DPYD: variants seen among roughly 807,000 people sequenced by gnomAD.
DPYD encodes dihydropyrimidine dehydrogenase [NADP(+)].
Under a neutral mutation model 116.2 loss-of-function variants are expected in DPYD, and 109 were observed. The observed-to-expected ratio is 0.94, with a 90% CI of 0.80 to 1.10. The LOEUF (loss-of-function observed/expected upper bound fraction) is 1.10, where lower values mean the gene tolerates loss of function less well. Ranked by LOEUF, DPYD falls within the 50% of genes least tolerant of loss-of-function variation. The pLI, the probability that DPYD is intolerant of heterozygous loss-of-function variation, is 0.00. For synonymous variants in DPYD, 440 were observed against 432.0 expected (o/e 1.02, Z -0.23); for missense variants, 1,302 against 1,254.5 (o/e 1.04, Z -0.57).
intron 10 of DPYD, among the ~76,000 whole-genome samples, chr1:97,587,751 G>A (rs1654233750): frequency 6.7e-6 from 1 of 150,224 alleles, no homozygotes; most frequent in African/African-American, 2.5e-5. Context: ...GTGAACCCGG[G>A]AGGCAGAGCC....
At chr1:97,656,348 G>C (rs183806927) in intron 8 of DPYD, among the ~76,000 whole-genome samples, 2 of 152,216 alleles carry the variant, frequency 1.3e-5, no homozygotes, top group African/African-American at 2.4e-5. Flanking sequence ...GAATTCTCAA[G>C]CTACTCAAGA....
At chr1:97,882,973 T>G (rs980763269) in intron 2 of DPYD, among the ~76,000 whole-genome samples, 1 of 152,052 alleles carries the variant, frequency 6.6e-6, no homozygotes, top group Non-Finnish European at 1.5e-5. Flanking sequence ...ATTTACAGGT[T>G]GCATATCCCT....
chr1:97,293,960 C>A (rs932466164), intron 18 of DPYD, among the ~76,000 whole-genome samples: 3 of 151,816 alleles, frequency 2.0e-5, no homozygotes, highest in Admixed American at 6.6e-5. Context: ...ACAAAAAAAA[C>A]CAGTCCAATC....
intron 16 of DPYD, 80 bp downstream of exon 16, chr1:97,373,481 G>A: frequency 1.6e-6 from 2 of 1,219,590 alleles, no homozygotes; most frequent in East Asian, 4.7e-5. Flanking sequence ...GCATCTCCTT[G>A]CCTAAGGTAT....
At chr1:97,412,075 A>G (rs1371723029) in intron 14 of DPYD, among the ~76,000 whole-genome samples, 1 of 152,182 alleles carries the variant, frequency 6.6e-6, no homozygotes, top group Non-Finnish European at 1.5e-5. Context: ...TACCGGGAGG[A>G]AAATTCCCCA....
intron 20 of DPYD, among the ~76,000 whole-genome samples, chr1:97,146,219 A>G (rs983629766): frequency 3.3e-5 from 5 of 152,226 alleles, no homozygotes; most frequent in African/African-American, 9.6e-5. Flanking sequence ...AATAGTTTGT[A>G]TAAGAAAACT....
intron 18 of DPYD, among the ~76,000 whole-genome samples, chr1:97,288,489 T>G (rs1012218490): frequency 1.3e-5 from 2 of 152,090 alleles, no homozygotes; most frequent in African/African-American, 4.8e-5. Flanking sequence ...AAACTGTCTC[T>G]CAGACAACAG....
intron 3 of DPYD, among the ~76,000 whole-genome samples, chr1:97,772,597 G>T (rs1666201518): frequency 6.6e-6 from 1 of 152,132 alleles, no homozygotes; most frequent in Admixed American, 6.5e-5. Flanking sequence ...TTCAAAATAG[G>T]CTGACTTGTG....
chr1:97,315,458 A>G lies in DPYD; in HGVS notation c.2059-9161T>C, dbSNP rs540602200. Among the ~76,000 whole-genome samples the G allele has an allele frequency of 1.6e-4, 25 of 151,872 alleles. No individual in the cohort carries two copies. In the South Asian group the frequency reaches 4.8e-3, roughly 29 times the overall value. On this transcript the variant is annotated intron_variant, in intron 16 of 22. Coordinates refer to ENST00000370192, the MANE Select transcript of DPYD (RefSeq NM_000110.4). ...AGGGTCCAATGGCTCCCCTTTTCCA[A>G]TTTTGCTTCCACTTTTTTCCTTTCA...
chr1:97,826,531 A>T (rs191590824), intron 3 of DPYD, among the ~76,000 whole-genome samples: 1 of 152,274 alleles, frequency 6.6e-6, no homozygotes, highest in East Asian at 1.9e-4. Flanking sequence ...AAAAATATAG[A>T]GAATAACTGC....
chr1:97,083,134 G>A (rs1026715120), intron 21 of DPYD, among the ~76,000 whole-genome samples: 2 of 152,054 alleles, frequency 1.3e-5, no homozygotes, highest in Non-Finnish European at 2.9e-5. Context: ...ATTACACATT[G>A]CTTTGTTCTT....
chr1:97,694,882 C>G (rs924480058), intron 6 of DPYD, among the ~76,000 whole-genome samples: 22 of 152,164 alleles, frequency 1.4e-4, no homozygotes, highest in Non-Finnish European at 2.9e-4. Flanking sequence ...AAATTCTAAA[C>G]AATAGCCATA....
Position 97,565,214 on chromosome 1 carries a change from G to T in DPYD, c.1339+8546C>A, listed in dbSNP as rs867074870. Among the ~76,000 whole-genome samples the T allele has an allele frequency of 1.7e-3, 260 of 152,114 alleles. 4 individuals are homozygous for T. The Middle Eastern group carries it at 0.024, about 14-fold the overall frequency. ...TCACCAAATGTTAGAAAATGCATTT[G>T]CCTACTAACATGAACCATCTCAAAA... On this transcript the variant is annotated intron_variant, in intron 11 of 22. Transcript: ENST00000370192.
chr1:97,437,842 A>C (rs893387977), intron 14 of DPYD, among the ~76,000 whole-genome samples: 1 of 152,056 alleles, frequency 6.6e-6, no homozygotes, highest in African/African-American at 2.4e-5. Flanking sequence ...TTCTTCAAAA[A>C]GTTTTATAGT....
intron 16 of DPYD, among the ~76,000 whole-genome samples, chr1:97,309,392 C>T (rs543929976): frequency 1.3e-5 from 2 of 150,772 alleles, no homozygotes; most frequent in African/African-American, 4.9e-5. Flanking sequence ...CCTGTTAACC[C>T]TTTTGCTATT....
chr1:97,106,368 T>G lies in DPYD; in HGVS notation c.2623-7736A>C, dbSNP rs532816736. 3.3e-5 allele frequency among the ~76,000 whole-genome samples: 5 copies of G among 152,244 alleles called. 1 individual carries two copies. Among genetic ancestry groups the G allele is most frequent in the African/African-American group, 1.2e-4 (5 of 41,564 alleles). On this transcript the variant is annotated intron_variant, in intron 20 of 22. Coordinates refer to ENST00000370192, the MANE Select transcript of DPYD (RefSeq NM_000110.4). ...TTTGTCAGAGTGTTTCCAGAAGCAG[T>G]TAGCATTTGGATCAGTAGACCAAGT...
chr1:97,756,960 A>G (rs1216275576), intron 3 of DPYD, among the ~76,000 whole-genome samples: 3 of 152,124 alleles, frequency 2.0e-5, no homozygotes, highest in African/African-American at 7.2e-5. Flanking sequence ...ATCTCCGTTG[A>G]GAAGCTTTCC....
At chr1:97,562,699 T>C (rs897065695) in intron 11 of DPYD, among the ~76,000 whole-genome samples, 3 of 152,150 alleles carry the variant, frequency 2.0e-5, no homozygotes, top group African/African-American at 4.8e-5. Flanking sequence ...TTCTAATTTA[T>C]ACAATAGCAT....
At chr1:97,739,329 T>C (rs1664136996) in intron 4 of DPYD, among the ~76,000 whole-genome samples, 1 of 152,108 alleles carries the variant, frequency 6.6e-6, no homozygotes, top group Non-Finnish European at 1.5e-5. Context: ...GTAAGATAGA[T>C]GCTACCTTTC....
Sources: allele counts gnomAD v4.1 joint callset (sites outside exome capture counted in the v4.1 genomes callset), GRCh38; gene constraint gnomAD v4.1.1; transcripts MANE v1.5; gene names NCBI Gene and HGNC (gene_info 2026-07-23, HGNC 2026-07-21).